The following FAM13C variants were observed in gnomAD, a reference collection of about 807,000 sequenced individuals.
FAM13C encodes the protein protein FAM13C.
FAM13C carries 37 observed loss-of-function variants against 73.2 expected under a neutral mutation model. The observed-to-expected ratio is 0.51, with a 90% CI of 0.39 to 0.67. The LOEUF (loss-of-function observed/expected upper bound fraction) is 0.67, where lower values mean the gene tolerates loss of function less well. FAM13C is among the 30% of genes least tolerant of loss of function. FAM13C has a pLI of 0.00. For synonymous variants in FAM13C, 246 were observed against 260.9 expected, an observed-to-expected ratio of 0.94 and a Z score of 0.55; for missense variants, 589 against 715.6, an observed-to-expected ratio of 0.82 and a Z score of 2.02.
At chr10:59,264,903 A>T (rs2452499) in intron 8 of FAM13C, among the ~76,000 whole-genome samples, 114,082 of 152,042 alleles carry the variant, frequency 0.75, 44,824 homozygotes, top group East Asian at 0.9. Context: ...CTTTAAATTA[A>T]GGATGTACAA....
intron 8 of FAM13C, 122 bp downstream of exon 8, chr10:59,268,431 G>T: frequency 2.4e-6 from 3 of 1,235,666 alleles, no homozygotes; most frequent in Non-Finnish European, 2.3e-6. Context: ...GGTCCAGGTT[G>T]GCCCATGGGA....
Position 59,262,753 on chromosome 10 carries a change from C to T in FAM13C, c.1025-108G>A, listed in dbSNP as rs1461698918. 5.5e-6 allele frequency: 5 copies of T among 916,106 alleles called. No individual in the cohort carries two copies. The Admixed American group carries it at 1.2e-4, about 22-fold the overall frequency. 56.7% of individuals were successfully genotyped at this position (916,106 alleles called of 1,614,324 possible). A position where few individuals can be genotyped will look rare whatever the true frequency, so the allele number is the denominator to read the frequency against. ...CTGATGCCAAATCTGTAGAAATGAA[C>T]ACTAATGATGGCTTTCCACAGGGCA... On this transcript the variant is annotated intron_variant, in intron 9 of 13. Coordinates refer to ENST00000618804, the MANE Select transcript of FAM13C (RefSeq NM_198215.4).
chr10:59,264,178 A>G lies in FAM13C; in HGVS notation c.943-12T>C. On this transcript the variant is annotated splice_polypyrimidine_tract_variant and intron_variant, in intron 8 of 13. Coordinates refer to ENST00000618804, the MANE Select transcript of FAM13C (RefSeq NM_198215.4). ...TCACCATGTGAAGGCTACCAAGGGA[A>G]GGAAAAAATGGGGGTGGAAGGGAGG... The G allele has an allele frequency of 6.8e-7, 1 of 1,473,414 alleles. No individual in the cohort carries two copies. Among genetic ancestry groups the G allele is most frequent in the Non-Finnish European group, 9.3e-7 (1 of 1,069,944 alleles). The allele number at this position is 1,473,414 out of a possible 1,614,324, so 91.3% of individuals were successfully genotyped here.
At chr10:59,343,955 TTTTTTC>T (rs1203242725) in intron 3 of FAM13C, among the ~76,000 whole-genome samples, 15 of 148,668 alleles carry the variant, frequency 1.0e-4, no homozygotes, top group African/African-American at 3.8e-4. Context: ...ATTTCTTTTT[TTTTTTC>T]TTTTTTCTTT....
intron 13 of FAM13C, among the ~76,000 whole-genome samples, chr10:59,250,337 T>C (rs1386187978): frequency 6.6e-6 from 1 of 152,182 alleles, no homozygotes; most frequent in Non-Finnish European, 1.5e-5. Flanking sequence ...AAATAACAAA[T>C]GCTTTATATT....
At chr10:59,254,051 A>T (rs551381110) in intron 11 of FAM13C, 1 of 353,096 alleles carries the variant, frequency 2.8e-6, no homozygotes, top group South Asian at 1.5e-4. Flanking sequence ...AAATTAGAAA[A>T]TGCCAAACTG....
chr10:59,354,807 T>C (rs1012674575), intron 2 of FAM13C, among the ~76,000 whole-genome samples: 3 of 152,076 alleles, frequency 2.0e-5, no homozygotes, highest in African/African-American at 7.2e-5. Context: ...GTTCTTTGTT[T>C]ACCTCTAGAG....
intron 7 of FAM13C, among the ~76,000 whole-genome samples, chr10:59,269,530 G>T (rs1292998024): frequency 6.6e-6 from 1 of 152,086 alleles, no homozygotes; most frequent in East Asian, 1.9e-4. Context: ...GCTCCCAAGT[G>T]TTCCCAGAAC....
intron 3 of FAM13C, among the ~76,000 whole-genome samples, chr10:59,329,006 C>A (rs1170858307): frequency 6.6e-6 from 1 of 152,096 alleles, no homozygotes; most frequent in Non-Finnish European, 1.5e-5. Flanking sequence ...AATTGGGGAA[C>A]TTTAAAGATG....
At chr10:59,323,880 C>G (rs1024727406) in intron 4 of FAM13C, 108 bp downstream of exon 4, 13 of 954,346 alleles carry the variant, frequency 1.4e-5, no homozygotes, top group Admixed American at 5.1e-5. Context: ...ATAAGGAATG[C>G]CAGCAAAAGT....
At chr10:59,266,993 C>T (rs867822720) in intron 8 of FAM13C, among the ~76,000 whole-genome samples, 2 of 152,180 alleles carry the variant, frequency 1.3e-5, no homozygotes, top group Non-Finnish European at 1.5e-5. Flanking sequence ...TTACTACTTA[C>T]AAACTTAAGA....
intron 6 of FAM13C, among the ~76,000 whole-genome samples, chr10:59,274,596 C>A (rs1001233702): frequency 6.6e-6 from 1 of 152,150 alleles, no homozygotes; most frequent in Non-Finnish European, 1.5e-5. Context: ...AGTCACCCTG[C>A]AAACCCAAGA....
chr10:59,289,836 C>G (rs1477402971), intron 5 of FAM13C, among the ~76,000 whole-genome samples: 1 of 152,112 alleles, frequency 6.6e-6, no homozygotes, highest in East Asian at 1.9e-4. Flanking sequence ...AGTGCCACCT[C>G]AACCCAGCCC....
At chr10:59,267,628 GC>G (rs1463612673) in intron 8 of FAM13C, among the ~76,000 whole-genome samples, 1 of 152,182 alleles carries the variant, frequency 6.6e-6, no homozygotes, top group Non-Finnish European at 1.5e-5. Flanking sequence ...ACTGTGGGAA[GC>G]AGGACAGGAA....
At chr10:59,293,987 T>A (rs956045520) in intron 5 of FAM13C, among the ~76,000 whole-genome samples, 1 of 152,220 alleles carries the variant, frequency 6.6e-6, no homozygotes, top group Non-Finnish European at 1.5e-5. Flanking sequence ...AATATATTTA[T>A]GAAAGCTGTC....
intron 5 of FAM13C, among the ~76,000 whole-genome samples, chr10:59,301,509 G>A (rs1333179095): frequency 6.6e-6 from 1 of 152,226 alleles, no homozygotes; most frequent in Non-Finnish European, 1.5e-5. Flanking sequence ...ATTTGGGAAT[G>A]TTCAAGTGAT....
At chr10:59,308,566 C>CCACCAACCAGCAT (rs1848537772) in intron 4 of FAM13C, among the ~76,000 whole-genome samples, 2 of 112,594 alleles carry the variant, frequency 1.8e-5, no homozygotes, top group African/African-American at 6.4e-5. Context: ...GCACCACCAA[C>CCACCAACCAGCAT]CACCATCACC....
intron 7 of FAM13C, 117 bp from the exon 8 acceptor site, chr10:59,268,808 T>C: frequency 8.0e-7 from 1 of 1,256,054 alleles, no homozygotes; most frequent in Non-Finnish European, 1.1e-6. Context: ...GGAAGTTCAT[T>C]ATTTGATGAG....
At chr10:59,265,623 A>AAC (rs199562070) in intron 8 of FAM13C, among the ~76,000 whole-genome samples, 20 of 152,090 alleles carry the variant, frequency 1.3e-4, no homozygotes, top group African/African-American at 4.1e-4. Flanking sequence ...GGTAAAAACA[A>AAC]ACACACACAC....
Sources: allele counts gnomAD v4.1 joint callset (sites outside exome capture counted in the v4.1 genomes callset), GRCh38; gene constraint gnomAD v4.1.1; transcripts MANE v1.5; gene names NCBI Gene and HGNC (gene_info 2026-07-23, HGNC 2026-07-21).